Variants in CDH22 observed in about 807,000 individuals in gnomAD.
The protein encoded by CDH22 is cadherin-22.
A neutral mutation model predicts 58.4 loss-of-function variants in CDH22; 30 were observed. The ratio of observed to expected loss-of-function variants is 0.51; its 90% CI spans 0.38 to 0.70. CDH22 has a LOEUF of 0.70. Ranked by LOEUF, CDH22 falls within the 30% of genes least tolerant of loss-of-function variation. The pLI, the probability that CDH22 is intolerant of heterozygous loss-of-function variation, is 0.00. For synonymous variants in CDH22, 513 were observed against 558.2 expected (o/e 0.92, Z 1.14); for missense variants, 1,014 against 1,233.9 (o/e 0.82, Z 2.67).
chr20:46,184,884 G>A (rs1248346259), intron 10 of CDH22, among the ~76,000 whole-genome samples: 4 of 152,034 alleles, frequency 2.6e-5, no homozygotes, highest in Non-Finnish European at 5.9e-5. Flanking sequence ...TCAGGAGTTC[G>A]AGACCAGCCT....
chr20:46,227,468 C>T, intron 4 of CDH22, 40 bp downstream of exon 4: 1 of 1,430,476 alleles, frequency 7.0e-7, no homozygotes, highest in Non-Finnish European at 9.5e-7. Flanking sequence ...CCCCTGGCCC[C>T]GCCCCACGGC....
At chr20:46,244,831 C>T (rs1430635573) in intron 2 of CDH22, among the ~76,000 whole-genome samples, 5 of 152,184 alleles carry the variant, frequency 3.3e-5, no homozygotes, top group South Asian at 2.1e-4. Flanking sequence ...CCACAGTCAT[C>T]GGTGGCCTCT....
rs913829224 is a variant in CDH22, at chr20:46,216,558, A to T, written c.838+268T>A. Among the ~76,000 whole-genome samples, 4 of 152,092 alleles carry T rather than the reference A, an allele frequency of 2.6e-5. No individual in the cohort carries two copies. Among genetic ancestry groups the T allele is most frequent in the Non-Finnish European group, 5.9e-5 (4 of 68,016 alleles). ...ATGGGTGGGGCTCCCCCTCTGCCGG[A>T]AGCAAGAGGAGGTCTGGGAAGGTGA... On this transcript the variant is annotated intron_variant, in intron 5 of 11. Coordinates refer to ENST00000537909, the MANE Select transcript of CDH22 (RefSeq NM_021248.3). This position sits in a 1 kb window ranked among gnomAD's most constrained non-coding sequence, Gnocchi z 5.3.
At chr20:46,176,855 G>A (rs930231568) in intron 11 of CDH22, among the ~76,000 whole-genome samples, 2 of 152,252 alleles carry the variant, frequency 1.3e-5, no homozygotes, top group Non-Finnish European at 2.9e-5. Context: ...GGTGGCGGGC[G>A]ACAGATGTGC....
chr20:46,292,563 G>A (rs2086609040), intron 1 of CDH22, among the ~76,000 whole-genome samples: 1 of 152,148 alleles, frequency 6.6e-6, no homozygotes, highest in African/African-American at 2.4e-5. Flanking sequence ...ACAAATTAGG[G>A]TATCCGGTGT....
chr20:46,301,813 A>AAT (rs1209094922), intron 1 of CDH22, among the ~76,000 whole-genome samples: 2 of 152,054 alleles, frequency 1.3e-5, no homozygotes, highest in Non-Finnish European at 2.9e-5. Flanking sequence ...CTCCGTCTCA[A>AAT]ATATATATAT....
chr20:46,269,046 C>T (rs941163894), intron 1 of CDH22, among the ~76,000 whole-genome samples: 15 of 152,212 alleles, frequency 9.9e-5, no homozygotes, highest in African/African-American at 3.6e-4. Context: ...AACGATTAGA[C>T]ATAGTTGCCA....
intron 1 of CDH22, among the ~76,000 whole-genome samples, chr20:46,255,694 A>T (rs2086403214): frequency 6.6e-6 from 1 of 152,142 alleles, no homozygotes; most frequent in South Asian, 2.1e-4. Flanking sequence ...GGGCTGCCAC[A>T]GACATGTCGG....
In CDH22 at chr20:46,213,085, G is replaced by T. The variant is rs1166450920; in HGVS notation, c.942C>A (p.Tyr314Ter). 2 of 1,614,180 alleles carry T rather than the reference G, an allele frequency of 1.2e-6. No individual in the cohort carries two copies. Among genetic ancestry groups the T allele is most frequent in the South Asian group, 2.2e-5 (2 of 91,080 alleles). ...SDVGENTDMTYHLKDESSSGG... is the reference protein window; with the variant it reads ...SDVGENTDMT ...CGCTGCTGCTCTCGTCCTTAAGGTGGTAAGTCATGTCTGTGTTCTCTCCCA... is the reference window on the plus strand; with the variant it reads ...CGCTGCTGCTCTCGTCCTTAAGGTGTTAAGTCATGTCTGTGTTCTCTCCCA... The change falls in exon 6 of 12, where the codon TAC becomes TAA. Residue 314 changes from tyrosine to a stop codon, truncating the protein, a stop_gained. Transcript: ENST00000537909. LOFTEE classifies it high-confidence loss of function.
intron 4 of CDH22, among the ~76,000 whole-genome samples, chr20:46,225,334 G>A (rs1414403804): frequency 6.6e-6 from 1 of 152,180 alleles, no homozygotes; most frequent in East Asian, 1.9e-4. Context: ...ATCGGCAGGG[G>A]ACTGGTGAAA....
chr20:46,277,902 A>T (rs2086528022), intron 1 of CDH22, among the ~76,000 whole-genome samples: 1 of 151,866 alleles, frequency 6.6e-6, no homozygotes, highest in South Asian at 2.1e-4. Context: ...GTAGCTGGAG[A>T]GGAAGGCAGG....
intron 1 of CDH22, among the ~76,000 whole-genome samples, chr20:46,258,666 G>T (rs1327202956): frequency 6.6e-6 from 1 of 152,208 alleles, no homozygotes; most frequent in Non-Finnish European, 1.5e-5. Flanking sequence ...CCCCAACCCT[G>T]GGTGTGCCCC....
At chr20:46,200,721 T>C (rs989601446) in intron 7 of CDH22, among the ~76,000 whole-genome samples, 1 of 152,058 alleles carries the variant, frequency 6.6e-6, no homozygotes, top group African/African-American at 2.4e-5. Flanking sequence ...TGGCAAACAC[T>C]GCAAAATGGT....
At chr20:46,233,012 G>A (rs11907774) in intron 3 of CDH22, among the ~76,000 whole-genome samples, 15 of 152,184 alleles carry the variant, frequency 9.9e-5, no homozygotes, top group African/African-American at 3.6e-4. Context: ...GAAGTTCGTG[G>A]GGCAGAGACA....
intron 10 of CDH22, among the ~76,000 whole-genome samples, chr20:46,179,957 C>A (rs1178937774): frequency 6.7e-6 from 1 of 149,156 alleles, no homozygotes; most frequent in Non-Finnish European, 1.5e-5. Context: ...AATTCCTCAT[C>A]CGTCATGCTC....
chr20:46,256,903 G>A (rs2086409308), intron 1 of CDH22, among the ~76,000 whole-genome samples: 1 of 151,808 alleles, frequency 6.6e-6, no homozygotes, highest in Non-Finnish European at 1.5e-5. Context: ...CTACTTGGGA[G>A]ACTGAGGCAG....
intron 2 of CDH22, among the ~76,000 whole-genome samples, chr20:46,245,980 G>T (rs1356321594): frequency 6.6e-6 from 1 of 152,142 alleles, no homozygotes; most frequent in African/African-American, 2.4e-5. Context: ...CATCAAGTGT[G>T]GCCAGCCCTG....
In CDH22 at chr20:46,308,138, T is replaced by C. The variant is rs1013172168; in HGVS notation, c.-400+117A>G. On this transcript the variant is annotated intron_variant, in intron 1 of 11. Coordinates refer to ENST00000537909, the MANE Select transcript of CDH22 (RefSeq NM_021248.3). The surrounding 1 kb of genome is among the most constrained non-coding windows in gnomAD (Gnocchi z 4.3). ...CCCGGCTCCTCCTGCGGCTGGAGGC[T>C]CGCCCCCCGCGCCGCCTGCCCGGCC... is the stretch of plus-strand genomic sequence containing the variant. 1 of 150,396 alleles carries C rather than the reference T, an allele frequency of 6.6e-6. No individual in the cohort carries two copies. The highest frequency in any genetic ancestry group is 6.6e-5 in the Admixed American group (1 of 15,146). The allele number at this position is 150,396 out of a possible 1,614,324, so 9.3% of individuals were successfully genotyped here. A position where few individuals can be genotyped will look rare whatever the true frequency, so the allele number is the denominator to read the frequency against.
intron 1 of CDH22, among the ~76,000 whole-genome samples, chr20:46,284,310 G>A (rs542027831): frequency 6.6e-6 from 1 of 152,302 alleles, no homozygotes; most frequent in Non-Finnish European, 1.5e-5. Context: ...CCAGACCATC[G>A]TTCTCAGCCT....
Sources: gnomAD v4.1 joint callset for allele counts (sites outside exome capture counted in the v4.1 genomes callset) on GRCh38, gnomAD v4.1.1 for gene constraint, Gnocchi (gnomAD v3.1) non-coding constraint, MANE v1.5 for transcripts, NCBI Gene and HGNC (gene_info 2026-07-23, HGNC 2026-07-21) for gene names.